ANKRD31: variants seen among roughly 807,000 people sequenced by gnomAD.
ANKRD31 encodes the protein ankyrin repeat domain 31.
Under a neutral mutation model 186.0 loss-of-function variants are expected in ANKRD31, and 147 were observed. That is an observed-to-expected ratio of 0.79 (90% confidence interval 0.69 to 0.91). ANKRD31 has a LOEUF of 0.91. Among genes scored for constraint, ANKRD31 ranks in the 40% least tolerant of loss-of-function variants. The pLI, the probability that ANKRD31 is intolerant of heterozygous loss-of-function variation, is 0.00. For synonymous variants in ANKRD31, 673 were observed against 736.4 expected (o/e 0.91, Z 1.39); for missense variants, 1,986 against 2,148.8 (o/e 0.92, Z 1.50).
rs1220855744 is a variant in ANKRD31 at position 75,154,365 on chromosome 5, G to A, written c.1708-20C>T. Reference sequence around the variant, plus strand: ...TGCCACCTAGAAAAAGGTTATTTATGTAAGGGAACCCAGATTGAGGGTGTA... The same window carrying A: ...TGCCACCTAGAAAAAGGTTATTTATATAAGGGAACCCAGATTGAGGGTGTA... On this transcript the variant is annotated intron_variant, in intron 11 of 25. Coordinates refer to ENST00000506364, the MANE Select transcript of ANKRD31 (RefSeq NM_001372053.1). 7 of 1,521,510 alleles carry A rather than the reference G, an allele frequency of 4.6e-6. No homozygotes were observed. The Admixed American group carries it at 1.5e-4, about 32-fold the overall frequency. 94.3% of individuals were successfully genotyped at this position (1,521,510 alleles called of 1,614,324 possible). A position where few individuals can be genotyped will look rare whatever the true frequency, so the allele number is the denominator to read the frequency against.
intron 20 of ANKRD31, among the ~76,000 whole-genome samples, chr5:75,110,437 C>A (rs897184124): frequency 6.6e-6 from 1 of 151,696 alleles, no homozygotes; most frequent in Non-Finnish European, 1.5e-5. Flanking sequence ...CTGGGCCAGG[C>A]GCAGTGGCTC....
Position 75,104,946 on chromosome 5 carries a change from C to A in ANKRD31, c.4613G>T (p.Ser1538Ile). ...QSGSLSPVSG[S>I]MQETQLSLET... is the part of the protein sequence containing the mutation. ...CAGAGACAATTGTGTTTCCTGCATG[C>A]TTCCAGAAACAGGAGAAAGTGAACC... The change falls in exon 22 of 26, where the codon AGC (serine) becomes ATC (isoleucine). Residue 1538 changes from serine (S) to isoleucine (I), a missense_variant. Ser to Ile is a moderately radical substitution (Grantham distance 142). Coordinates refer to ENST00000506364, the MANE Select transcript of ANKRD31 (RefSeq NM_001372053.1). The A allele has an allele frequency of 6.5e-7, 1 of 1,537,044 alleles. No individual in the cohort carries two copies. The highest frequency in any genetic ancestry group is 1.4e-5 in the African/African-American group (1 of 73,094).
Position 75,080,532 on chromosome 5 carries a change from A to T in ANKRD31, c.5647+36T>A, listed in dbSNP as rs778587832. ...ATATGTAGAATCTAAACACTTATAA[A>T]AGTAAATGGAATTGAATATTTTCTT... On this transcript the variant is annotated intron_variant, in intron 25 of 25. Coordinates refer to ENST00000506364, the MANE Select transcript of ANKRD31 (RefSeq NM_001372053.1). 233 of 1,403,210 alleles carry T rather than the reference A, an allele frequency of 1.7e-4. 1 individual carries two copies. The African/African-American group carries it at 2.7e-3, about 16-fold the overall frequency. The allele number at this position is 1,403,210 out of a possible 1,614,324, so 86.9% of individuals were successfully genotyped here.
rs1024477615 is a variant in ANKRD31 at position 75,210,837 on chromosome 5, G to A, written c.317C>T (p.Ala106Val). Residue 106 changes from alanine (A) to valine (V), a missense_variant, in exon 4 of 26, where the codon GCT (alanine) becomes GTT (valine). Transcript: ENST00000506364. ...QSQDETERNQ[A>V]LLQTRKNCSM... The stretch of plus-strand genomic sequence containing the variant: ...AAATTAGTATACTTACTGTAACAGA[G>A]CTTGATTTCGTTCTGTTTCATCTTG... The A allele has an allele frequency of 6.6e-7, 1 of 1,511,592 alleles. No homozygotes were observed. Among genetic ancestry groups the A allele is most frequent in the Non-Finnish European group, 8.8e-7 (1 of 1,138,310 alleles). The allele number at this position is 1,511,592 out of a possible 1,614,324, so 93.6% of individuals were successfully genotyped here.
intron 5 of ANKRD31, among the ~76,000 whole-genome samples, chr5:75,200,719 C>A (rs915278862): frequency 1.3e-5 from 2 of 151,214 alleles, no homozygotes; most frequent in African/African-American, 4.9e-5. Context: ...TTGAGACCAG[C>A]CTGGCCAACA....
rs975722681 is a variant in ANKRD31, at chr5:75,236,577, G to A, written c.104+6C>T. On this transcript the variant is annotated splice_donor_region_variant and intron_variant, in intron 1 of 25. Transcript: ENST00000506364. ...GTTCAGGCACTGTGGCCCTAATGATGGTCACCTTCTCCAGGGCAGCTCCTT... is the reference window on the plus strand; with the variant it reads ...GTTCAGGCACTGTGGCCCTAATGATAGTCACCTTCTCCAGGGCAGCTCCTT... 2 of 1,536,198 alleles carry A rather than the reference G, an allele frequency of 1.3e-6. No homozygotes were observed. Among genetic ancestry groups the A allele is most frequent in the Middle Eastern group, 1.7e-4 (1 of 5,998 alleles).
intron 10 of ANKRD31, among the ~76,000 whole-genome samples, chr5:75,173,018 A>C (rs1004273467): frequency 6.6e-6 from 1 of 152,214 alleles, no homozygotes; most frequent in Non-Finnish European, 1.5e-5. Context: ...ATCCAGCAGC[A>C]CATCAAAAAG....
chr5:75,113,144 A>T (rs546822541), intron 19 of ANKRD31, among the ~76,000 whole-genome samples: 21 of 152,242 alleles, frequency 1.4e-4, no homozygotes, highest in Non-Finnish European at 2.2e-4. Flanking sequence ...TCCCTATGAG[A>T]GAGAGAATCG....
intron 11 of ANKRD31, among the ~76,000 whole-genome samples, chr5:75,164,353 TTTA>T (rs1435193508): frequency 6.6e-6 from 1 of 152,154 alleles, no homozygotes; most frequent in Non-Finnish European, 1.5e-5. Context: ...ATGATAAATG[TTTA>T]TTATTATTTT....
chr5:75,147,501 G>T lies in ANKRD31; in HGVS notation c.1910C>A (p.Pro637Gln), dbSNP rs1751557975. The stretch of plus-strand genomic sequence containing the variant: ...AATGTGACTTTTAGAACTGAACTTT[G>T]GTTTCTATAGAAAAAAAATACATAG... ...DIEDVYQHKKPKFSSKSHIWH... is the reference protein window; with the variant it reads ...DIEDVYQHKKQKFSSKSHIWH... The change falls in exon 14 of 26, where the codon CCA becomes CAA. Residue 637 changes from proline to glutamine, a missense_variant. Transcript: ENST00000506364. 3 of 1,430,604 alleles carry T rather than the reference G, an allele frequency of 2.1e-6. No homozygotes were observed. In the African/African-American group the frequency reaches 4.3e-5, roughly 21 times the overall value. 88.6% of individuals were successfully genotyped at this position (1,430,604 alleles called of 1,614,324 possible). A position where few individuals can be genotyped will look rare whatever the true frequency, so the allele number is the denominator to read the frequency against.
rs574259803 is a variant in ANKRD31, at chr5:75,200,716, C to T, written c.404-1042G>A. 6.0e-5 allele frequency among the ~76,000 whole-genome samples: 9 copies of T among 151,086 alleles called. No homozygotes were observed. The East Asian group carries it at 1.8e-3, about 30-fold the overall frequency. On this transcript the variant is annotated intron_variant, in intron 5 of 25. Transcript: ENST00000506364. ...TCACTTGAGGTCAGGAGTTTGAGAC[C>T]AGCCTGGCCAACAAGGTGAAATCCT... is the stretch of plus-strand genomic sequence containing the variant.
chr5:75,121,978 A>G lies in ANKRD31; in HGVS notation c.3877-3681T>C, dbSNP rs367572331. 3.9e-5 allele frequency among the ~76,000 whole-genome samples: 6 copies of G among 152,268 alleles called. No individual in the cohort carries two copies. The East Asian group carries it at 1.2e-3, about 29-fold the overall frequency. Reference sequence around the variant, plus strand: ...AAAGATCAGAGTAGAACTAAATGATATGGAGACCAAACCAAACAAAACAAA... The same window carrying G: ...AAAGATCAGAGTAGAACTAAATGATGTGGAGACCAAACCAAACAAAACAAA... On this transcript the variant is annotated intron_variant, in intron 17 of 25. Transcript: ENST00000506364.
intron 3 of ANKRD31, among the ~76,000 whole-genome samples, chr5:75,213,515 A>G (rs1328894085): frequency 2.6e-5 from 4 of 152,224 alleles, no homozygotes; most frequent in Non-Finnish European, 1.5e-5. Flanking sequence ...AGCTAATGCC[A>G]TTGAATACAA....
At chr5:75,210,795 C>G (rs188955622) in intron 4 of ANKRD31, 33 bp downstream of exon 4, 1 of 1,435,198 alleles carries the variant, frequency 7.0e-7, no homozygotes, top group Admixed American at 2.7e-5. Context: ...AAAATACCTA[C>G]AACATAATGA....
intron 10 of ANKRD31, among the ~76,000 whole-genome samples, chr5:75,172,426 T>TA (rs1453839691): frequency 5.3e-5 from 8 of 150,322 alleles, no homozygotes; most frequent in Admixed American, 4.6e-4. Flanking sequence ...AAAAAAAACT[T>TA]AAAAAAATCA....
Position 75,195,672 on chromosome 5 carries a change from T to C in ANKRD31, c.976A>G (p.Asn326Asp). ...ARNECLEVEF[N>D]TSQTNEDCTQ... is the part of the protein sequence containing the mutation. ...CAATCTTCATTGGTCTGAGACGTAT[T>C]GAACTCCACTTCTAAACATTCATTT... is the stretch of plus-strand genomic sequence containing the variant. Residue 326 changes from asparagine (N) to aspartate (D), a missense_variant, in exon 7 of 26, where the codon AAT becomes GAT. Asn to Asp is a conservative substitution (Grantham distance 23, BLOSUM62 1). Transcript: ENST00000506364. 1.3e-6 allele frequency: 2 copies of C among 1,536,718 alleles called. No individual in the cohort carries two copies. Among genetic ancestry groups the C allele is most frequent in the South Asian group, 2.4e-5 (2 of 83,836 alleles).
rs1758251047 is a variant in ANKRD31, at chr5:75,236,021, A to T, written c.104+562T>A. 2.6e-5 allele frequency among the ~76,000 whole-genome samples: 4 copies of T among 152,186 alleles called. No individual in the cohort carries two copies. The South Asian group carries it at 8.3e-4, about 31-fold the overall frequency. ...ACACAGCCCTGAGCACATATGAAGC[A>T]GACCTAGTGGCCTCATCCCTGCCCT... is the stretch of plus-strand genomic sequence containing the variant. On this transcript the variant is annotated intron_variant, in intron 1 of 25. Transcript: ENST00000506364.
intron 4 of ANKRD31, among the ~76,000 whole-genome samples, chr5:75,210,235 A>G (rs1175402758): frequency 6.6e-6 from 1 of 152,104 alleles, no homozygotes; most frequent in African/African-American, 2.4e-5. Flanking sequence ...GTGCAGTGGC[A>G]TGATCTCAGC....
At chr5:75,202,338 C>A (rs1439947599) in intron 5 of ANKRD31, among the ~76,000 whole-genome samples, 2 of 152,138 alleles carry the variant, frequency 1.3e-5, no homozygotes, top group Non-Finnish European at 2.9e-5. Flanking sequence ...ATATTAAAAA[C>A]CAACACATTT....
Sources: gnomAD v4.1 joint callset for allele counts (sites outside exome capture counted in the v4.1 genomes callset) on GRCh38, gnomAD v4.1.1 for gene constraint, MANE v1.5 for transcripts, NCBI Gene and HGNC (gene_info 2026-07-23, HGNC 2026-07-21) for gene names.